The following GAS2 variants were observed in gnomAD, a reference collection of about 807,000 sequenced individuals.
GAS2 encodes growth arrest specific 2.
A neutral mutation model predicts 37.5 loss-of-function variants in GAS2; 20 were observed. The ratio of observed to expected loss-of-function variants is 0.53; its 90% CI spans 0.37 to 0.77. The LOEUF is 0.77. Among genes scored for constraint, GAS2 ranks in the 30% least tolerant of loss-of-function variants. GAS2 has a pLI of 0.00. For synonymous variants in GAS2, 144 were observed against 132.2 expected, an observed-to-expected ratio of 1.09 and a Z score of -0.61; for missense variants, 336 against 373.4, an observed-to-expected ratio of 0.90 and a Z score of 0.82.
chr11:22,705,710 A>G (rs114798495), intron 3 of GAS2, among the ~76,000 whole-genome samples: 122 of 152,334 alleles, frequency 8.0e-4, no homozygotes, highest in African/African-American at 2.8e-3. Flanking sequence ...TATACAGGGC[A>G]AAATATTGGA....
intron 7 of GAS2, among the ~76,000 whole-genome samples, chr11:22,806,399 C>T (rs1362341428): frequency 6.6e-6 from 1 of 152,134 alleles, no homozygotes; most frequent in East Asian, 1.9e-4. Context: ...AATAGTGCTG[C>T]AGTAAACCTG....
chr11:22,628,299 G>A (rs1858691255), intron 1 of GAS2, among the ~76,000 whole-genome samples: 1 of 152,128 alleles, frequency 6.6e-6, no homozygotes, highest in Admixed American at 6.5e-5. Flanking sequence ...GGAGAGTTCT[G>A]GGAAGACTAC....
At chr11:22,652,993 G>GTCCTTCTTTCTTTCTTTCTT (rs1848805611) in intron 1 of GAS2, among the ~76,000 whole-genome samples, 1 of 97,036 alleles carries the variant, frequency 1.0e-5, no homozygotes, top group African/African-American at 4.9e-5. Flanking sequence ...TTCTTTCTTT[G>GTCCTTCTTTCTTTCTTTCTT]TCTTTCTTTC....
At chr11:22,671,500 C>CA (rs1187424393) in intron 1 of GAS2, among the ~76,000 whole-genome samples, 2 of 152,030 alleles carry the variant, frequency 1.3e-5, no homozygotes, top group Non-Finnish European at 2.9e-5. Context: ...GCACATTATA[C>CA]AAAAAAGTTT....
chr11:22,682,991 C>T (rs7926692), intron 2 of GAS2, among the ~76,000 whole-genome samples: 44,460 of 149,282 alleles, frequency 0.3, 6,712 homozygotes, highest in South Asian at 0.41. Context: ...ACTTTCATTT[C>T]TGAACTGAGC....
chr11:22,803,861 T>G (rs1440153104), intron 7 of GAS2, among the ~76,000 whole-genome samples: 1 of 151,710 alleles, frequency 6.6e-6, no homozygotes, highest in African/African-American at 2.4e-5. Flanking sequence ...TTCATGTAAC[T>G]GTGAAATCAT....
At chr11:22,653,035 C>CTT (rs562393334) in intron 1 of GAS2, among the ~76,000 whole-genome samples, 186 of 7,578 alleles carry the variant, frequency 0.025, no homozygotes, top group African/African-American at 0.043. Context: ...TTCTTTCTTT[C>CTT]TCTTTCTTTC....
chr11:22,742,095 A>G (rs528472420), intron 5 of GAS2, among the ~76,000 whole-genome samples: 13 of 152,238 alleles, frequency 8.5e-5, no homozygotes, highest in Middle Eastern at 3.4e-3. Context: ...GTCATTAACC[A>G]TAAGACCTGT....
intron 2 of GAS2, 130 bp downstream of exon 2, chr11:22,675,144 A>G: frequency 1.1e-6 from 1 of 934,548 alleles, no homozygotes; most frequent in Non-Finnish European, 1.5e-6. Flanking sequence ...TGACATTTGC[A>G]TCTGGGAAAC....
At chr11:22,682,888 GA>G (rs57025584) in intron 2 of GAS2, among the ~76,000 whole-genome samples, 1,410 of 102,382 alleles carry the variant, frequency 0.014, 10 homozygotes, top group African/African-American at 0.023. Flanking sequence ...AAAAAAAAAG[GA>G]AAAAAAAAAA....
At chr11:22,648,837 A>G (rs1458960831) in intron 1 of GAS2, among the ~76,000 whole-genome samples, 3 of 152,240 alleles carry the variant, frequency 2.0e-5, no homozygotes, top group African/African-American at 7.2e-5. Flanking sequence ...GGGGTTTTCT[A>G]GATATACAAT....
intron 7 of GAS2, among the ~76,000 whole-genome samples, chr11:22,808,754 A>G (rs1003794035): frequency 2.6e-5 from 4 of 152,204 alleles, no homozygotes; most frequent in Non-Finnish European, 4.4e-5. Context: ...AGAACTTCAA[A>G]ATAGGCAAAG....
intron 7 of GAS2, among the ~76,000 whole-genome samples, chr11:22,804,735 A>G (rs892471085): frequency 9.3e-5 from 14 of 150,746 alleles, no homozygotes; most frequent in Middle Eastern, 3.5e-3. Context: ...TGGCCAGTAG[A>G]GGTGTCAAGA....
chr11:22,804,670 A>T lies in GAS2; in HGVS notation c.724-7128A>T, dbSNP rs116390992. Among the ~76,000 whole-genome samples, 1,367 of 152,214 alleles carry T rather than the reference A, an allele frequency of 9.0e-3. 17 individuals carry two copies. The highest frequency in any genetic ancestry group is 0.031 in the African/African-American group (1,304 of 41,538). ...GTGGGAGGAATTGAACTTGGACAGG[A>T]GAACTTCTGAGATAAGAAAGGTGGA... On this transcript the variant is annotated intron_variant, in intron 7 of 7. Transcript: ENST00000454584.
chr11:22,782,450 G>T (rs1855596827), intron 7 of GAS2, among the ~76,000 whole-genome samples: 1 of 151,954 alleles, frequency 6.6e-6, no homozygotes, highest in African/African-American at 2.4e-5. Flanking sequence ...ATATGTGTAG[G>T]TTTGTTACAA....
At chr11:22,691,253 C>T (rs183587474) in intron 3 of GAS2, among the ~76,000 whole-genome samples, 8 of 152,268 alleles carry the variant, frequency 5.3e-5, no homozygotes, top group Admixed American at 5.2e-4. Context: ...AGAATGCCTA[C>T]AATACATTTG....
chr11:22,662,659 T>TAA (rs111882412), upstream of GAS2, among the ~76,000 whole-genome samples: 1 of 147,936 alleles, frequency 6.8e-6, no homozygotes, highest in Non-Finnish European at 1.5e-5. Flanking sequence ...AAAGAAAACT[T>TAA]AAAAAAAAAA....
chr11:22,809,122 G>A (rs1857023613), intron 7 of GAS2, among the ~76,000 whole-genome samples: 2 of 152,076 alleles, frequency 1.3e-5, no homozygotes, highest in Non-Finnish European at 2.9e-5. Context: ...AAACAACATG[G>A]TACTGTGACC....
At chr11:22,733,128 A>G (rs973386373) in intron 4 of GAS2, among the ~76,000 whole-genome samples, 5 of 151,498 alleles carry the variant, frequency 3.3e-5, no homozygotes, top group Non-Finnish European at 7.4e-5. Context: ...ACCGGGTACC[A>G]TGTGTTCTTA....
Sources: allele counts gnomAD v4.1 joint callset (sites outside exome capture counted in the v4.1 genomes callset), GRCh38; gene constraint gnomAD v4.1.1; transcripts MANE v1.5; gene names NCBI Gene and HGNC (gene_info 2026-07-23, HGNC 2026-07-21).